The following DLGAP4 variants were observed in gnomAD, a reference collection of about 807,000 sequenced individuals.
The protein encoded by DLGAP4 is DLG associated protein 4.
In DLGAP4, 18 loss-of-function variants were observed where a neutral mutation model predicts 86.9. The ratio of observed to expected loss-of-function variants is 0.21; its 90% CI spans 0.14 to 0.31. DLGAP4 has a LOEUF of 0.31. DLGAP4 is among the 10% of genes least tolerant of loss of function. The pLI is 1.00. For synonymous variants in DLGAP4, 548 were observed against 574.3 expected (o/e 0.95, Z 0.65); for missense variants, 1,085 against 1,362.6 (o/e 0.80, Z 3.21).
At chr20:36,381,212 C>G (rs1233580480) in intron 2 of DLGAP4, among the ~76,000 whole-genome samples, 1 of 152,170 alleles carries the variant, frequency 6.6e-6, no homozygotes, top group Non-Finnish European at 1.5e-5. Flanking sequence ...GTTTTGGGCA[C>G]TGAACACAGT....
At chr20:36,318,106 T>TCTCACA (rs1177416907) in intron 1 of DLGAP4, among the ~76,000 whole-genome samples, 2 of 139,150 alleles carry the variant, frequency 1.4e-5, no homozygotes, top group Admixed American at 7.1e-5. Flanking sequence ...ATGTGTCCTC[T>TCTCACA]CACACACACA....
intron 2 of DLGAP4, among the ~76,000 whole-genome samples, chr20:36,367,886 G>A (rs1169570095): frequency 2.6e-5 from 4 of 152,112 alleles, no homozygotes; most frequent in Non-Finnish European, 5.9e-5. Context: ...TTCACCTTCC[G>A]CCTCCCAAGG....
chr20:36,447,900 G>T (rs1404679214), intron 7 of DLGAP4, among the ~76,000 whole-genome samples: 6 of 102,528 alleles, frequency 5.9e-5, no homozygotes, highest in South Asian at 4.4e-4. Flanking sequence ...TATCAGGGGG[G>T]TGGGGGGGGG....
intron 1 of DLGAP4, among the ~76,000 whole-genome samples, chr20:36,352,705 C>T (rs2030198995): frequency 6.6e-6 from 1 of 151,946 alleles, no homozygotes. Flanking sequence ...TGGACAGGCC[C>T]AGCAGGCAGT....
intron 7 of DLGAP4, among the ~76,000 whole-genome samples, chr20:36,481,508 AATCACTT>A (rs1485967933): frequency 6.6e-6 from 1 of 152,196 alleles, no homozygotes; most frequent in East Asian, 1.9e-4. Flanking sequence ...CAGACACACT[AATCACTT>A]GTTGAATCAG....
At chr20:36,493,611 G>C (rs534443854) in intron 7 of DLGAP4, among the ~76,000 whole-genome samples, 77 of 152,332 alleles carry the variant, frequency 5.1e-4, no homozygotes, top group African/African-American at 1.9e-3. Context: ...GGGCCCAGCA[G>C]GATGCTGTAG....
chr20:36,396,369 C>CGGACACACACCACACACGTGCA (rs1569484557), intron 2 of DLGAP4, among the ~76,000 whole-genome samples: 1 of 44,616 alleles, frequency 2.2e-5, no homozygotes. Flanking sequence ...CACGCACATA[C>CGGACACACACCACACACGTGCA]ACACACCCCA....
At chr20:36,461,660 CCCGCCCGGCCCGG>C in intron 7 of DLGAP4, 1 of 234,560 alleles carries the variant, frequency 4.3e-6, no homozygotes, top group Non-Finnish European at 6.4e-6. Flanking sequence ...CGGGGGCCGC[CCCGCCCGGCCCGG>C]CCCGGCCCTG....
At chr20:36,320,548 C>G (rs1192699099) in intron 1 of DLGAP4, among the ~76,000 whole-genome samples, 3 of 152,150 alleles carry the variant, frequency 2.0e-5, no homozygotes, top group Non-Finnish European at 4.4e-5. Flanking sequence ...CCCCCACTCC[C>G]TTGCTGCATG....
At chr20:36,473,405 A>C (rs2034764994) in intron 7 of DLGAP4, among the ~76,000 whole-genome samples, 2 of 152,108 alleles carry the variant, frequency 1.3e-5, no homozygotes, top group South Asian at 4.1e-4. Context: ...TGTCAGCAGG[A>C]GGGAGCTCCT....
intron 2 of DLGAP4, among the ~76,000 whole-genome samples, chr20:36,403,519 A>G (rs1278601101): frequency 6.6e-6 from 1 of 152,240 alleles, no homozygotes; most frequent in Non-Finnish European, 1.5e-5. Context: ...AGCTGGGGCC[A>G]AAGAAGAAAC....
chr20:36,379,723 C>A (rs1480650467), intron 2 of DLGAP4, among the ~76,000 whole-genome samples: 1 of 152,190 alleles, frequency 6.6e-6, no homozygotes, highest in East Asian at 1.9e-4. Context: ...GCCCAGTGGC[C>A]AATTCCAGAT....
At chr20:36,445,423 G>A (rs891918803) in intron 6 of DLGAP4, among the ~76,000 whole-genome samples, 1 of 152,180 alleles carries the variant, frequency 6.6e-6, no homozygotes, top group African/African-American at 2.4e-5. Flanking sequence ...AGAATTGCTT[G>A]AACCCGGGAG....
intron 7 of DLGAP4, among the ~76,000 whole-genome samples, chr20:36,488,199 CAAAA>C (rs1287983679): frequency 1.6e-5 from 1 of 62,370 alleles, no homozygotes; most frequent in Non-Finnish European, 3.3e-5. Flanking sequence ...GACTCTGTCT[CAAAA>C]AAAAAAAAAA....
chr20:36,353,863 G>C (rs1318136531), intron 1 of DLGAP4, among the ~76,000 whole-genome samples: 1 of 152,246 alleles, frequency 6.6e-6, no homozygotes, highest in Non-Finnish European at 1.5e-5. Flanking sequence ...AATGTCCTGT[G>C]TGCTCCTGTC....
chr20:36,414,154 G>A (rs1435796216), intron 2 of DLGAP4, among the ~76,000 whole-genome samples: 1 of 152,204 alleles, frequency 6.6e-6, no homozygotes, highest in African/African-American at 2.4e-5. Context: ...CTTGCCTGAG[G>A]TCACAAGGTG....
intron 2 of DLGAP4, among the ~76,000 whole-genome samples, chr20:36,402,134 C>T (rs1330805260): frequency 6.6e-6 from 1 of 152,174 alleles, no homozygotes; most frequent in Non-Finnish European, 1.5e-5. Context: ...GGGAGGGCCC[C>T]CAAGTCAGCG....
intron 10 of DLGAP4, among the ~76,000 whole-genome samples, chr20:36,523,048 G>A (rs887516328): frequency 3.9e-5 from 6 of 152,078 alleles, no homozygotes; most frequent in African/African-American, 7.2e-5. Flanking sequence ...TTTATACCCC[G>A]TGGCCTAGGC....
chr20:36,491,030 T>TAAAAA (rs757935259), intron 7 of DLGAP4, among the ~76,000 whole-genome samples: 2 of 101,438 alleles, frequency 2.0e-5, no homozygotes, highest in Non-Finnish European at 2.0e-5. Flanking sequence ...CCATCTCTAC[T>TAAAAA]AAAAAAAAAA....
Sources: gnomAD v4.1 joint callset for allele counts (sites outside exome capture counted in the v4.1 genomes callset) on GRCh38, gnomAD v4.1.1 for gene constraint, MANE v1.5 for transcripts, NCBI Gene and HGNC (gene_info 2026-07-23, HGNC 2026-07-21) for gene names.